The following ZNF280D variants were observed in gnomAD, a reference collection of about 807,000 sequenced individuals.
ZNF280D encodes zinc finger protein 280D, also known as suppressor of hairy wing homolog 4.
A neutral mutation model predicts 94.7 loss-of-function variants in ZNF280D; 39 were observed. The observed-to-expected ratio is 0.41, with a 90% CI of 0.32 to 0.54. The LOEUF (loss-of-function observed/expected upper bound fraction) is 0.54, where lower values mean the gene tolerates loss of function less well. ZNF280D is among the 20% of genes least tolerant of loss of function. ZNF280D has a pLI of 0.22. For synonymous variants in ZNF280D, 398 were observed against 377.6 expected (o/e 1.05, Z -0.63); for missense variants, 1,090 against 1,149.3 (o/e 0.95, Z 0.75).
At chr15:56,671,434 TC>T (rs2140921065) in intron 13 of ZNF280D, among the ~76,000 whole-genome samples, 1 of 152,260 alleles carries the variant, frequency 6.6e-6, no homozygotes, top group South Asian at 2.1e-4. Context: ...AATAGGGGAA[TC>T]CTTTCCCCAT....
intron 21 of ZNF280D, among the ~76,000 whole-genome samples, chr15:56,632,923 T>C (rs562478405): frequency 1.1e-4 from 16 of 152,206 alleles, no homozygotes; most frequent in African/African-American, 2.9e-4. Context: ...AAAGTATATG[T>C]AAATATATAA....
At chr15:56,640,043 C>T (rs1301641439) in intron 20 of ZNF280D, among the ~76,000 whole-genome samples, 1 of 151,704 alleles carries the variant, frequency 6.6e-6, no homozygotes, top group Non-Finnish European at 1.5e-5. Flanking sequence ...GAAAAAAATA[C>T]AGCATTAGGT....
At chr15:56,662,780 T>A (rs1398160896) in intron 16 of ZNF280D, among the ~76,000 whole-genome samples, 4 of 147,778 alleles carry the variant, frequency 2.7e-5, no homozygotes, top group Admixed American at 1.4e-4. Context: ...GCCAAGATCT[T>A]GCCACTGCAC....
intron 1 of ZNF280D, among the ~76,000 whole-genome samples, chr15:56,715,138 AG>A: frequency 6.6e-6 from 1 of 152,298 alleles, no homozygotes; most frequent in Middle Eastern, 3.4e-3. Context: ...TTCTCATAAC[AG>A]CCTATGAACC....
chr15:56,674,481 T>C (rs1396238847), intron 13 of ZNF280D, among the ~76,000 whole-genome samples: 1 of 152,100 alleles, frequency 6.6e-6, no homozygotes, highest in Non-Finnish European at 1.5e-5. Flanking sequence ...ATTCTTACTA[T>C]ATGTAATTTC....
intron 20 of ZNF280D, among the ~76,000 whole-genome samples, chr15:56,639,842 C>A (rs1198086691): frequency 1.3e-5 from 2 of 152,048 alleles, no homozygotes; most frequent in Non-Finnish European, 2.9e-5. Flanking sequence ...ACATCCAATA[C>A]AAGGGAGTGG....
At chr15:56,683,593 A>G (rs2141015609) in intron 9 of ZNF280D, among the ~76,000 whole-genome samples, 2 of 152,302 alleles carry the variant, frequency 1.3e-5, no homozygotes, top group African/African-American at 4.8e-5. Flanking sequence ...TCTATCTATC[A>G]TTCTTATCTT....
chr15:56,635,268 ACTTTT>A lies in ZNF280D; in HGVS notation c.2260-23_2260-19del. The A allele has an allele frequency of 1.4e-6, 2 of 1,442,788 alleles. No individual in the cohort carries two copies. Among genetic ancestry groups the A allele is most frequent in the Non-Finnish European group, 9.3e-7 (1 of 1,077,786 alleles). The allele number at this position is 1,442,788 out of a possible 1,614,324, so 89.4% of individuals were successfully genotyped here. A position where few individuals can be genotyped will look rare whatever the true frequency, so the allele number is the denominator to read the frequency against. ...GCAATTTCCTGAAATAATTAATAAT[ACTTTT>A]CTTTTACATTCACAGTTAATCTTAA... On this transcript the variant is annotated intron_variant, in intron 20 of 21. Transcript: ENST00000267807.
intron 6 of ZNF280D, chr15:56,700,259 C>T (rs2056984705): frequency 1.4e-6 from 1 of 734,978 alleles, no homozygotes; most frequent in South Asian, 6.2e-5. Flanking sequence ...AATCCCAGAT[C>T]CATCAACTGC....
intron 1 of ZNF280D, among the ~76,000 whole-genome samples, chr15:56,732,138 G>C (rs1018809005): frequency 2.0e-5 from 3 of 152,192 alleles, no homozygotes; most frequent in African/African-American, 7.2e-5. Flanking sequence ...CACCGGAGAA[G>C]GAGTCAGAAG....
intron 20 of ZNF280D, among the ~76,000 whole-genome samples, chr15:56,642,651 G>T (rs1209243541): frequency 6.6e-6 from 1 of 151,594 alleles, no homozygotes; most frequent in Non-Finnish European, 1.5e-5. Context: ...AATGATTGAG[G>T]TTTTACTGAT....
chr15:56,652,770 C>T (rs1866634304), intron 19 of ZNF280D: 1 of 984,810 alleles, frequency 1.0e-6, no homozygotes, highest in Non-Finnish European at 1.2e-6. Context: ...TAAGAACTCA[C>T]AATTAAGGTA....
intron 19 of ZNF280D, among the ~76,000 whole-genome samples, chr15:56,645,513 T>C (rs1445551960): frequency 6.6e-6 from 1 of 152,170 alleles, no homozygotes; most frequent in African/African-American, 2.4e-5. Context: ...CTATTTGCAT[T>C]TTTCTGCAGG....
At chr15:56,683,481 C>A (rs79104960) in intron 9 of ZNF280D, among the ~76,000 whole-genome samples, 2 of 152,132 alleles carry the variant, frequency 1.3e-5, no homozygotes, top group South Asian at 4.1e-4. Flanking sequence ...ATCTTCACTG[C>A]AACTCCTTAT....
At chr15:56,639,742 C>T (rs1385276938) in intron 20 of ZNF280D, among the ~76,000 whole-genome samples, 1 of 152,114 alleles carries the variant, frequency 6.6e-6, no homozygotes, top group Non-Finnish European at 1.5e-5. Flanking sequence ...AAAAGATGCA[C>T]ACCTTCTCAG....
At chr15:56,687,859 T>G (rs1197046676) in intron 9 of ZNF280D, among the ~76,000 whole-genome samples, 1 of 152,220 alleles carries the variant, frequency 6.6e-6, no homozygotes, top group Non-Finnish European at 1.5e-5. Flanking sequence ...ATAAGAAGAC[T>G]GTATTTATAA....
intron 1 of ZNF280D, among the ~76,000 whole-genome samples, chr15:56,716,693 C>G (rs2058063550): frequency 6.6e-6 from 1 of 151,984 alleles, no homozygotes; most frequent in Admixed American, 6.6e-5. Context: ...GTCAAAATAA[C>G]AGAATTTGAG....
At chr15:56,639,898 G>A (rs555463469) in intron 20 of ZNF280D, among the ~76,000 whole-genome samples, 1 of 152,090 alleles carries the variant, frequency 6.6e-6, no homozygotes, top group East Asian at 1.9e-4. Flanking sequence ...GGCTTAGGGA[G>A]CAACTAGTTT....
chr15:56,721,535 T>A (rs1233585473), intron 1 of ZNF280D, among the ~76,000 whole-genome samples: 2 of 152,184 alleles, frequency 1.3e-5, no homozygotes, highest in African/African-American at 4.8e-5. Context: ...GTAGATCTCA[T>A]GGATAACTTG....
Sources: allele counts gnomAD v4.1 joint callset (sites outside exome capture counted in the v4.1 genomes callset), GRCh38; gene constraint gnomAD v4.1.1; transcripts MANE v1.5; gene names NCBI Gene and HGNC (gene_info 2026-07-23, HGNC 2026-07-21).